The following CCDC149 variants were observed in gnomAD, a reference collection of about 807,000 sequenced individuals.
The protein encoded by CCDC149 is coiled-coil domain containing 149, also known as coiled-coil domain-containing protein 149.
In CCDC149, 45 loss-of-function variants were observed where a neutral mutation model predicts 59.9. That is an observed-to-expected ratio of 0.75 (90% confidence interval 0.59 to 0.96). CCDC149 has a LOEUF of 0.96. Ranked by LOEUF, CCDC149 falls within the 40% of genes least tolerant of loss-of-function variation. The probability of loss-of-function intolerance (pLI) is 0.00; values close to 1 mark genes in which losing one functional copy is unlikely to be tolerated. For missense variants in CCDC149, 584 were observed against 664.7 expected (o/e 0.88, Z 1.33); for synonymous variants, 245 against 260.6 (o/e 0.94, Z 0.58).
At chr4:24,922,882 A>G (rs571947415) in intron 1 of CCDC149, among the ~76,000 whole-genome samples, 1 of 152,098 alleles carries the variant, frequency 6.6e-6, no homozygotes, top group Non-Finnish European at 1.5e-5. Context: ...TCATTGGACC[A>G]AAAATGTCTA....
chr4:24,966,155 T>C (rs965687862), intron 1 of CCDC149, among the ~76,000 whole-genome samples: 5 of 152,102 alleles, frequency 3.3e-5, no homozygotes, highest in African/African-American at 1.2e-4. Context: ...GAGTACGTGG[T>C]TGGCACAAGG....
intron 1 of CCDC149, among the ~76,000 whole-genome samples, chr4:24,956,599 G>A (rs746371884): frequency 2.0e-5 from 3 of 152,146 alleles, no homozygotes; most frequent in Non-Finnish European, 4.4e-5. Context: ...TGAGCGAGAA[G>A]TACTATGGAT....
chr4:24,831,742 T>TC, intron 8 of CCDC149, 92 bp from the exon 9 acceptor site: 1 of 1,157,674 alleles, frequency 8.6e-7, no homozygotes, highest in Non-Finnish European at 1.2e-6. Context: ...TAATGATATG[T>TC]CCCCAGCTTC....
At chr4:24,978,864 G>C (rs1269240455) in intron 1 of CCDC149, among the ~76,000 whole-genome samples, 1 of 152,214 alleles carries the variant, frequency 6.6e-6, no homozygotes, top group Non-Finnish European at 1.5e-5. Flanking sequence ...TCTCTGACCT[G>C]GGCGTGTCTT....
intron 4 of CCDC149, among the ~76,000 whole-genome samples, chr4:24,847,266 C>T (rs922666960): frequency 2.0e-5 from 3 of 152,170 alleles, no homozygotes; most frequent in African/African-American, 7.2e-5. Context: ...GCATGTTATG[C>T]TAAAGACAAC....
intron 3 of CCDC149, among the ~76,000 whole-genome samples, chr4:24,873,243 C>A (rs1422367559): frequency 2.6e-5 from 4 of 152,020 alleles, no homozygotes; most frequent in Non-Finnish European, 5.9e-5. Context: ...AGTATACAGC[C>A]ACAGAATGAT....
chr4:24,808,695 C>T lies in CCDC149; in HGVS notation c.1317G>A (p.Lys439=). The change falls in exon 13 of 13, where the codon AAG becomes AAA. Residue 439 remains lysine (K), a synonymous_variant. Coordinates refer to ENST00000635206, the MANE Select transcript of CCDC149 (RefSeq NM_001330643.2). Reference sequence around the variant, plus strand: ...ACTGGGGTAATGAAGGATGAAAGAGCTTGCATTGGTTCCCGCGGCTCTGAT... The same window carrying T: ...ACTGGGGTAATGAAGGATGAAAGAGTTTGCATTGGTTCCCGCGGCTCTGAT... 6.4e-7 allele frequency: 1 copy of T among 1,552,382 alleles called. No homozygotes were observed. Among genetic ancestry groups the T allele is most frequent in the Non-Finnish European group, 8.7e-7 (1 of 1,147,142 alleles).
chr4:24,836,505 G>T lies in CCDC149; in HGVS notation c.666C>A (p.Tyr222Ter), dbSNP rs1008567773. 6.2e-7 allele frequency: 1 copy of T among 1,603,262 alleles called. No individual in the cohort carries two copies. Among genetic ancestry groups the T allele is most frequent in the African/African-American group, 1.3e-5 (1 of 74,828 alleles). ...GGAGTTGCTTTAATCTCTCTTGAAG[G>T]TACCTGAAAAAGAATACATAAAACT... is the stretch of plus-strand genomic sequence containing the variant. Residue 222 changes from tyrosine (Y) to a stop codon, truncating the protein, a stop_gained, in exon 7 of 13, where the codon TAC (tyrosine) becomes TAA (stop). Transcript: ENST00000635206. LOFTEE classifies it high-confidence loss of function.
At chr4:24,979,395 A>G (rs1006862514) in intron 1 of CCDC149, among the ~76,000 whole-genome samples, 1 of 152,178 alleles carries the variant, frequency 6.6e-6, no homozygotes, top group Admixed American at 6.5e-5. Context: ...CAGAGCACAG[A>G]CAGGGTCTGC....
intron 3 of CCDC149, among the ~76,000 whole-genome samples, chr4:24,858,046 G>A (rs1718137217): frequency 6.6e-6 from 1 of 152,118 alleles, no homozygotes; most frequent in Admixed American, 6.5e-5. Context: ...AAAGAAAGTA[G>A]TACATTTCAA....
intron 3 of CCDC149, among the ~76,000 whole-genome samples, chr4:24,854,124 C>T (rs1717854709): frequency 6.6e-6 from 1 of 152,136 alleles, no homozygotes; most frequent in South Asian, 2.1e-4. Flanking sequence ...ATATCCTCAC[C>T]CCTTACCCAC....
At chr4:24,930,659 C>T (rs1722561533) in intron 1 of CCDC149, among the ~76,000 whole-genome samples, 1 of 152,074 alleles carries the variant, frequency 6.6e-6, no homozygotes, top group African/African-American at 2.4e-5. Flanking sequence ...AACTCCCTGC[C>T]CCCTCAATGA....
chr4:24,943,003 C>T (rs931356697), intron 1 of CCDC149, among the ~76,000 whole-genome samples: 12 of 151,454 alleles, frequency 7.9e-5, no homozygotes, highest in Admixed American at 4.6e-4. Context: ...ATGCCATCCC[C>T]ATCAAGCTAC....
chr4:24,870,877 C>T lies in CCDC149; in HGVS notation c.264+2804G>A, dbSNP rs532780236. Among the ~76,000 whole-genome samples, 15 of 152,008 alleles carry T rather than the reference C, an allele frequency of 9.9e-5. No homozygotes were observed. In the East Asian group the frequency reaches 2.7e-3, roughly 28 times the overall value. ...TGGCTAACACGGTGAAACCCCATCT[C>T]TACTAAAAATACAAAAAATTAGCCG... On this transcript the variant is annotated intron_variant, in intron 3 of 12. Transcript: ENST00000635206.
chr4:24,922,297 A>G (rs1449950782), intron 1 of CCDC149, among the ~76,000 whole-genome samples: 3 of 152,208 alleles, frequency 2.0e-5, no homozygotes, highest in Admixed American at 6.5e-5. Context: ...AGGCATTTAC[A>G]TAAGTCATCT....
intron 12 of CCDC149, among the ~76,000 whole-genome samples, chr4:24,814,239 A>G (rs949789332): frequency 2.0e-5 from 3 of 152,226 alleles, no homozygotes; most frequent in African/African-American, 7.2e-5. Context: ...TCACAATGAA[A>G]TACATGAATG....
intron 1 of CCDC149, among the ~76,000 whole-genome samples, chr4:24,890,793 G>GC (rs1175362530): frequency 3.9e-5 from 6 of 152,222 alleles, no homozygotes; most frequent in African/African-American, 1.2e-4. Context: ...ATCCCAGTCT[G>GC]CCCCAAAAGG....
chr4:24,881,654 G>A (rs77137608), intron 1 of CCDC149, among the ~76,000 whole-genome samples: 2 of 152,250 alleles, frequency 1.3e-5, no homozygotes, highest in African/African-American at 2.4e-5. Context: ...GGGACTGTCT[G>A]GGGGGGAGAA....
At chr4:24,976,780 T>C (rs1724218613) in intron 1 of CCDC149, among the ~76,000 whole-genome samples, 1 of 152,156 alleles carries the variant, frequency 6.6e-6, no homozygotes, top group Non-Finnish European at 1.5e-5. Context: ...GTGTCCTTTC[T>C]GAAGGATGTT....
Sources: allele counts gnomAD v4.1 joint callset (sites outside exome capture counted in the v4.1 genomes callset), GRCh38; gene constraint gnomAD v4.1.1; transcripts MANE v1.5; gene names NCBI Gene and HGNC (gene_info 2026-07-23, HGNC 2026-07-21).